The following PDE4A variants were observed in gnomAD, a reference collection of about 807,000 sequenced individuals.
PDE4A encodes phosphodiesterase 4A.
PDE4A carries 21 observed loss-of-function variants against 73.9 expected under a neutral mutation model. The ratio of observed to expected loss-of-function variants is 0.28; its 90% CI spans 0.20 to 0.41. The LOEUF is 0.41. PDE4A is among the 10% of genes least tolerant of loss of function. The pLI, the probability that PDE4A is intolerant of heterozygous loss-of-function variation, is 1.00. For missense variants in PDE4A, 958 were observed against 1,211.4 expected (o/e 0.79, Z 3.10); for synonymous variants, 463 against 505.4 (o/e 0.92, Z 1.13).
chr19:10,452,874 C>A, intron 6 of PDE4A: 2 of 770,560 alleles, frequency 2.6e-6, no homozygotes, highest in Non-Finnish European at 3.2e-6. Context: ...TACCCCCCCA[C>A]CCCCAGCACC....
At chr19:10,439,819 A>T (rs920586837) in intron 1 of PDE4A, among the ~76,000 whole-genome samples, 3 of 152,044 alleles carry the variant, frequency 2.0e-5, no homozygotes, top group African/African-American at 7.2e-5. Flanking sequence ...GGACACGGGT[A>T]AAGGCCAGTT....
At chr19:10,420,414 G>C, upstream of PDE4A, 2 of 968,558 alleles carry the variant, frequency 2.1e-6, no homozygotes. The surrounding 1 kb of genome is among the most constrained non-coding windows in gnomAD (Gnocchi z 6.0). Flanking sequence ...CGCTGGCCCG[G>C]ACGGAGGAGG....
At chr19:10,444,108 C>T (rs747016684) in intron 1 of PDE4A, among the ~76,000 whole-genome samples, 12 of 151,446 alleles carry the variant, frequency 7.9e-5, no homozygotes, top group Admixed American at 5.9e-4. Flanking sequence ...GGGCTGGGCA[C>T]GGTGGCTCAC....
At chr19:10,430,408 G>A (rs1163148978) in intron 1 of PDE4A, among the ~76,000 whole-genome samples, 1 of 151,950 alleles carries the variant, frequency 6.6e-6, no homozygotes, top group African/African-American at 2.4e-5. Flanking sequence ...GAGAAGCCCC[G>A]GGATTTGGGG....
At chr19:10,432,175 AC>A (rs2042798414) in intron 1 of PDE4A, among the ~76,000 whole-genome samples, 5 of 3,796 alleles carry the variant, frequency 1.3e-3, no homozygotes, top group Non-Finnish European at 2.0e-3. Context: ...GAGGGAGGAG[AC>A]GGGGGGGGGG....
intron 1 of PDE4A, among the ~76,000 whole-genome samples, chr19:10,432,088 G>C (rs2042796813): frequency 6.6e-6 from 1 of 151,420 alleles, no homozygotes. Context: ...AGGGGGGAAA[G>C]GCGGGGCCGG....
upstream of PDE4A, chr19:10,420,211 C>G (rs954970671): frequency 5.6e-6 from 1 of 177,516 alleles, no homozygotes; most frequent in Non-Finnish European, 1.1e-5. This position sits in a 1 kb window ranked among gnomAD's most constrained non-coding sequence, Gnocchi z 6.0. Context: ...CATGATGGAC[C>G]GACTGACTGA....
rs1222421960 is a variant in PDE4A, at chr19:10,424,689, C to G, written c.320+3605C>G. On this transcript the variant is annotated intron_variant, in intron 1 of 14. Coordinates refer to ENST00000380702, the MANE Select transcript of PDE4A (RefSeq NM_001111307.2). This position sits in a 1 kb window ranked among gnomAD's most constrained non-coding sequence, Gnocchi z 4.8. ...CGTGTGGGGTCCTCGCCCTCCCGGG[C>G]TTGGGACCAGGCCGCTTTCCCCATG... Among the ~76,000 whole-genome samples, 2 of 152,264 alleles carry G rather than the reference C, an allele frequency of 1.3e-5. No individual in the cohort carries two copies. The highest frequency in any genetic ancestry group is 4.8e-5 in the African/African-American group (2 of 41,472).
intron 6 of PDE4A, among the ~76,000 whole-genome samples, chr19:10,452,613 G>GGTGTGTGT (rs138348522): frequency 7.5e-5 from 11 of 147,284 alleles, no homozygotes; most frequent in African/African-American, 2.5e-4. Flanking sequence ...ACTGTCTCCG[G>GGTGTGTGT]GTGTGTGTGT....
upstream of PDE4A, chr19:10,417,295 A>AG: frequency 2.0e-6 from 2 of 984,022 alleles, no homozygotes; most frequent in Non-Finnish European, 2.4e-6. Flanking sequence ...GAGGGATGGG[A>AG]GGGGGGCATT....
At chr19:10,427,551 CT>C in intron 1 of PDE4A, 2 of 985,432 alleles carry the variant, frequency 2.0e-6, no homozygotes, top group Non-Finnish European at 2.4e-6. Context: ...TTACATCTGG[CT>C]TCCTAGGACG....
upstream of PDE4A, chr19:10,417,296 G>A (rs2042597443): frequency 1.0e-6 from 1 of 984,940 alleles, no homozygotes; most frequent in Non-Finnish European, 1.2e-6. Context: ...AGGGATGGGA[G>A]GGGGGCATTG....
At chr19:10,429,741 G>A (rs2042763481) in intron 1 of PDE4A, among the ~76,000 whole-genome samples, 1 of 152,070 alleles carries the variant, frequency 6.6e-6, no homozygotes, top group South Asian at 2.1e-4. Flanking sequence ...TCTGTTCTAG[G>A]GTGTGAGACT....
At chr19:10,430,466 G>T (rs1230860303) in intron 1 of PDE4A, among the ~76,000 whole-genome samples, 1 of 152,026 alleles carries the variant, frequency 6.6e-6, no homozygotes, top group East Asian at 1.9e-4. Flanking sequence ...GACAATGAGG[G>T]TGCTCCTTGG....
rs201534582 is a variant in PDE4A, at chr19:10,467,458, C to A, written c.2498C>A (p.Ala833Asp). ...AWRTLSVSEH[A>D]PGLPGLPSTA... ...AGGACCCTGTCTGTTTCAGAGCATG[C>A]CCCGGGCCTCCCGGGCCTCCCCTCC... Residue 833 changes from alanine to aspartate, a missense_variant, in exon 15 of 15, where the codon GCC becomes GAC. Physicochemically the swap from Ala to Asp is moderately radical, Grantham distance 126 (BLOSUM62 -2). Transcript: ENST00000380702. 15 of 1,613,318 alleles carry A rather than the reference C, an allele frequency of 9.3e-6. No individual in the cohort carries two copies. Among genetic ancestry groups the A allele is most frequent in the Middle Eastern group, 3.3e-4 (2 of 6,060 alleles).
At chr19:10,418,736 C>T (rs1042067116), upstream of PDE4A, 1 of 984,956 alleles carries the variant, frequency 1.0e-6, no homozygotes, top group African/African-American at 1.7e-5. Context: ...TCCTGACACC[C>T]CCACCCACCT....
At chr19:10,438,992 A>T (rs997268727) in intron 1 of PDE4A, among the ~76,000 whole-genome samples, 2 of 152,196 alleles carry the variant, frequency 1.3e-5, no homozygotes, top group African/African-American at 2.4e-5. Context: ...TTGTTGATCC[A>T]TTCATCTGTT....
rs775422127 is a variant in PDE4A, at chr19:10,467,646, C to G, written c.*25C>G. The stretch of plus-strand genomic sequence containing the variant: ...ATCCCCAGACCTCTGTCCCTGTTCC[C>G]CTCCACTCCTCCCCTCACTCCCCTG... On this transcript the variant is annotated 3_prime_UTR_variant, in exon 15 of 15. Coordinates refer to ENST00000380702, the MANE Select transcript of PDE4A (RefSeq NM_001111307.2). 1.0e-5 allele frequency: 15 copies of G among 1,499,474 alleles called. No homozygotes were observed. The highest frequency in any genetic ancestry group is 1.2e-5 in the Non-Finnish European group (13 of 1,115,436). 92.9% of individuals were successfully genotyped at this position (1,499,474 alleles called of 1,614,324 possible).
chr19:10,466,013 T>C (rs2043363228), intron 14 of PDE4A, among the ~76,000 whole-genome samples: 1 of 148,934 alleles, frequency 6.7e-6, no homozygotes, highest in Admixed American at 6.7e-5. Flanking sequence ...CTTTTTTTTT[T>C]TTTTCCTGAG....
Sources: gnomAD v4.1 joint callset for allele counts (sites outside exome capture counted in the v4.1 genomes callset) on GRCh38, gnomAD v4.1.1 for gene constraint, Gnocchi (gnomAD v3.1) non-coding constraint, MANE v1.5 for transcripts, NCBI Gene and HGNC (gene_info 2026-07-23, HGNC 2026-07-21) for gene names.